Variants in ZNF831 observed in about 807,000 individuals in gnomAD.
ZNF831 encodes zinc finger protein 831.
A neutral mutation model predicts 95.8 loss-of-function variants in ZNF831; 59 were observed. The observed-to-expected ratio is 0.62, with a 90% CI of 0.50 to 0.77. ZNF831 has a LOEUF of 0.77. ZNF831 is among the 30% of genes least tolerant of loss of function. ZNF831 has a pLI of 0.00. For missense variants in ZNF831, 2,205 were observed against 2,164.0 expected, an observed-to-expected ratio of 1.02 and a Z score of -0.38; for synonymous variants, 961 against 925.5, an observed-to-expected ratio of 1.04 and a Z score of -0.70.
At chr20:59,240,982 T>A (rs115078361) in intron 4 of ZNF831, among the ~76,000 whole-genome samples, 3 of 152,020 alleles carry the variant, frequency 2.0e-5, no homozygotes, top group Non-Finnish European at 2.9e-5. Context: ...CTGAAGAAAT[T>A]TACAGGAAGA....
rs1263169966 is a variant in ZNF831 at position 59,257,187 on chromosome 20, C to CTGT, written c.*2445_*2446insGTT. On this transcript the variant is annotated 3_prime_UTR_variant, in exon 6 of 6. Coordinates refer to ENST00000371030, the MANE Select transcript of ZNF831 (RefSeq NM_178457.3). ...AAATATGGCGGAATATTGATTTCGT[C>CTGT]TCTAACTCCCTGTATCTCTTACAAA... is the stretch of plus-strand genomic sequence containing the variant. The CTGT allele has an allele frequency of 1.3e-5, 2 of 152,228 alleles. No homozygotes were observed. The highest frequency in any genetic ancestry group is 6.5e-5 in the Admixed American group (1 of 15,286). 9.4% of individuals were successfully genotyped at this position (152,228 alleles called of 1,614,324 possible).
chr20:59,243,404 G>A (rs553174343), intron 4 of ZNF831, among the ~76,000 whole-genome samples: 47 of 152,332 alleles, frequency 3.1e-4, no homozygotes, highest in African/African-American at 9.9e-4. Context: ...GGATGGTGAC[G>A]TAATTCTCTG....
At position 59,185,430 on chromosome 20, in the gene ZNF831, G is replaced by T. The variant is rs111388470; in HGVS notation, c.-36-5554G>T. Among the ~76,000 whole-genome samples the T allele has an allele frequency of 2.0e-3, 303 of 152,174 alleles. 2 individuals carry two copies. Among genetic ancestry groups the T allele is most frequent in the African/African-American group, 5.7e-3 (236 of 41,510 alleles). ...AAGCCCCAAGCCTCCCACCCTATGA[G>T]AGTCAGTTCTGGGCTCCTTTTCCTC... On this transcript the variant is annotated intron_variant, in intron 1 of 5. Transcript: ENST00000371030.
intron 1 of ZNF831, among the ~76,000 whole-genome samples, chr20:59,175,601 GTTC>G (rs1982095666): frequency 6.6e-6 from 1 of 151,878 alleles, no homozygotes; most frequent in Non-Finnish European, 1.5e-5. Flanking sequence ...TTTCCATGTA[GTTC>G]TTCTTTTATC....
At chr20:59,163,329 A>G (rs1045490407), upstream of ZNF831, among the ~76,000 whole-genome samples, 1 of 152,158 alleles carries the variant, frequency 6.6e-6, no homozygotes, top group African/African-American at 2.4e-5. Context: ...TTTCAGTACT[A>G]TGTTGAATAG....
intron 2 of ZNF831, among the ~76,000 whole-genome samples, chr20:59,152,745 G>C (rs1216227387): frequency 6.6e-6 from 1 of 152,112 alleles, no homozygotes; most frequent in African/African-American, 2.4e-5. Context: ...CTTGAGTACA[G>C]CTCCCTTGGG....
intron 4 of ZNF831, among the ~76,000 whole-genome samples, chr20:59,250,314 G>C (rs1366227455): frequency 6.6e-6 from 1 of 152,140 alleles, no homozygotes; most frequent in Non-Finnish European, 1.5e-5. Context: ...CCAGAATGCC[G>C]GCAGCCTGGC....
chr20:59,252,292 T>C (rs116715881), intron 4 of ZNF831, among the ~76,000 whole-genome samples: 5 of 152,340 alleles, frequency 3.3e-5, no homozygotes, highest in Admixed American at 2.0e-4. Context: ...TCTTCTCTAG[T>C]GACACAGTCG....
intron 1 of ZNF831, among the ~76,000 whole-genome samples, chr20:59,179,369 G>C (rs2146514193): frequency 6.6e-6 from 1 of 152,278 alleles, no homozygotes; most frequent in East Asian, 1.9e-4. Flanking sequence ...TCCAGCGAAG[G>C]GCAGAGCTTC....
At position 59,255,058 on chromosome 20, in the gene ZNF831, A is replaced by T. The variant is rs1988114944; in HGVS notation, c.*315A>T. 1 of 251,082 alleles carries T rather than the reference A, an allele frequency of 4.0e-6. No homozygotes were observed. The highest frequency in any genetic ancestry group is 7.7e-6 in the Non-Finnish European group (1 of 129,868). 15.6% of individuals were successfully genotyped at this position (251,082 alleles called of 1,614,324 possible). A position where few individuals can be genotyped will look rare whatever the true frequency, so the allele number is the denominator to read the frequency against. Reference sequence around the variant, plus strand: ...CTTGACTCCCAGCCTCGTCTTCTGCACCTGTCCCCCACTGCCTCTCTGCAA... The same window carrying T: ...CTTGACTCCCAGCCTCGTCTTCTGCTCCTGTCCCCCACTGCCTCTCTGCAA... On this transcript the variant is annotated 3_prime_UTR_variant, in exon 6 of 6. Transcript: ENST00000371030.
chr20:59,232,993 G>GGCACAC (rs1555834541), intron 4 of ZNF831, among the ~76,000 whole-genome samples: 1 of 97,908 alleles, frequency 1.0e-5, no homozygotes, highest in Non-Finnish European at 2.1e-5. Context: ...AGGACCCTGA[G>GGCACAC]GCACACACAC....
intron 1 of ZNF831, among the ~76,000 whole-genome samples, chr20:59,167,750 A>T (rs188904076): frequency 2.0e-5 from 3 of 152,114 alleles, no homozygotes; most frequent in African/African-American, 7.2e-5. Context: ...ACTGCTTTCA[A>T]CCTTTGTCAA....
rs1344404847 is a variant in ZNF831, at chr20:59,248,723, C to T, written c.4028-4255C>T. On this transcript the variant is annotated intron_variant, in intron 4 of 5. Transcript: ENST00000371030. ...AATTCACTTAGAGTGAGCACTTGTG[C>T]TTGGTGAACGATGAGGCTAAGGAAA... Among the ~76,000 whole-genome samples the T allele has an allele frequency of 2.6e-5, 4 of 152,194 alleles. No homozygotes were observed. The South Asian group carries it at 6.2e-4, about 24-fold the overall frequency.
intron 1 of ZNF831, among the ~76,000 whole-genome samples, chr20:59,129,847 T>C (rs1239897852): frequency 6.6e-6 from 1 of 152,234 alleles, no homozygotes; most frequent in East Asian, 1.9e-4. Flanking sequence ...GATTCCTGTA[T>C]GTTATTGGTG....
chr20:59,233,624 C>A (rs1242519150), intron 4 of ZNF831, among the ~76,000 whole-genome samples: 1 of 152,204 alleles, frequency 6.6e-6, no homozygotes, highest in Non-Finnish European at 1.5e-5. Context: ...GGCCATCCAA[C>A]CTCTTCTCCA....
intron 4 of ZNF831, among the ~76,000 whole-genome samples, chr20:59,240,520 G>A (rs1184324521): frequency 6.6e-6 from 1 of 152,116 alleles, no homozygotes; most frequent in Non-Finnish European, 1.5e-5. Flanking sequence ...TATTTCTAGG[G>A]GCCGGGCGCG....
chr20:59,132,754 A>G (rs894920776), intron 1 of ZNF831, among the ~76,000 whole-genome samples: 7 of 152,162 alleles, frequency 4.6e-5, no homozygotes, highest in African/African-American at 1.7e-4. Flanking sequence ...TTTCAACTTC[A>G]TCTCAAGCAC....
intron 1 of ZNF831, among the ~76,000 whole-genome samples, chr20:59,132,289 CTTTTT>C (rs11477187): frequency 6.0e-5 from 7 of 116,552 alleles, no homozygotes; most frequent in Admixed American, 2.6e-4. Context: ...AGGTTTAACT[CTTTTT>C]TTTTTTTTTT....
chr20:59,179,211 C>G (rs898584729), intron 1 of ZNF831, among the ~76,000 whole-genome samples: 1 of 152,188 alleles, frequency 6.6e-6, no homozygotes, highest in African/African-American at 2.4e-5. Flanking sequence ...ACATGGACAG[C>G]CTGTGAAGAC....
Sources: gnomAD v4.1 joint callset for allele counts (sites outside exome capture counted in the v4.1 genomes callset) on GRCh38, gnomAD v4.1.1 for gene constraint, MANE v1.5 for transcripts, NCBI Gene and HGNC (gene_info 2026-07-23, HGNC 2026-07-21) for gene names.